KCNH7: variants seen among roughly 807,000 people sequenced by gnomAD.
KCNH7 encodes potassium voltage-gated channel subfamily H member 7, also known as voltage-gated inwardly rectifying potassium channel KCNH7.
In KCNH7, 49 loss-of-function variants were observed where a neutral mutation model predicts 120.8. That is an observed-to-expected ratio of 0.41 (90% confidence interval 0.32 to 0.51). KCNH7 has a LOEUF of 0.51. Among genes scored for constraint, KCNH7 ranks in the 20% least tolerant of loss-of-function variants. The pLI is 0.38. For missense variants in KCNH7, 1,097 were observed against 1,446.6 expected (o/e 0.76, Z 3.92); for synonymous variants, 547 against 516.1 (o/e 1.06, Z -0.81).
chr2:162,610,077 C>A (rs1682913995), intron 2 of KCNH7, among the ~76,000 whole-genome samples: 2 of 152,116 alleles, frequency 1.3e-5, no homozygotes, highest in Non-Finnish European at 2.9e-5. Flanking sequence ...TTAAATTGAA[C>A]CTCAGAATGA....
At chr2:162,797,936 G>A (rs2105534913) in intron 2 of KCNH7, 1 of 152,086 alleles carries the variant, frequency 6.6e-6, no homozygotes, top group Non-Finnish European at 1.5e-5. Flanking sequence ...TGCTTATAGT[G>A]GCCCATTTCT....
chr2:162,738,386 G>A (rs994381626), intron 2 of KCNH7, among the ~76,000 whole-genome samples: 8 of 152,154 alleles, frequency 5.3e-5, no homozygotes, highest in Non-Finnish European at 1.2e-4. Context: ...GCACAGAGGA[G>A]CATAGCCCTT....
chr2:162,755,270 AC>A (rs1330423254), intron 2 of KCNH7, among the ~76,000 whole-genome samples: 1 of 152,098 alleles, frequency 6.6e-6, no homozygotes, highest in Non-Finnish European at 1.5e-5. Flanking sequence ...GGAGATCTAG[AC>A]CAGCCTGACC....
chr2:162,781,870 A>T (rs1370245940), intron 2 of KCNH7, among the ~76,000 whole-genome samples: 2 of 152,182 alleles, frequency 1.3e-5, no homozygotes, highest in East Asian at 3.9e-4. Context: ...CTATTTCAAT[A>T]CCCTGCACAA....
intron 2 of KCNH7, among the ~76,000 whole-genome samples, chr2:162,621,252 CTTTTTTTTTTTT>C (rs35494887): frequency 3.8e-5 from 2 of 52,114 alleles, no homozygotes; most frequent in Admixed American, 3.4e-4. Context: ...GTATCATCAT[CTTTTTTTTTTTT>C]TTTTTTTTTT....
Position 162,517,766 on chromosome 2 carries a change from G to A in KCNH7, c.856C>T (p.Pro286Ser). ...VHDIEGFGVH[P>S]KNIFRDRHAS... ...TGTCGGTCTCTAAATATGTTCTTGG[G>A]GTGGACGCCGAATCCTTCTATATCA... Residue 286 changes from proline (P) to serine (S), a missense_variant, in exon 4 of 16, where the codon CCC becomes TCC. Physicochemically the swap from Pro to Ser is moderately conservative, Grantham distance 74. Coordinates refer to ENST00000332142, the MANE Select transcript of KCNH7 (RefSeq NM_033272.4). The A allele has an allele frequency of 6.3e-7, 1 of 1,584,310 alleles. No homozygotes were observed. The highest frequency in any genetic ancestry group is 8.6e-7 in the Non-Finnish European group (1 of 1,157,506).
intron 2 of KCNH7, chr2:162,785,254 A>G (rs747288233): frequency 6.6e-6 from 1 of 152,234 alleles, no homozygotes; most frequent in Non-Finnish European, 1.5e-5. Flanking sequence ...TTAGCTTGTC[A>G]TCAAACAGGA....
At chr2:162,507,936 T>G in intron 5 of KCNH7, among the ~76,000 whole-genome samples, 1 of 151,622 alleles carries the variant, frequency 6.6e-6, no homozygotes, top group Non-Finnish European at 1.5e-5. Context: ...TACTTTCTCA[T>G]GTACTTAACG....
chr2:162,732,205 T>C (rs967587734), intron 2 of KCNH7, among the ~76,000 whole-genome samples: 15 of 152,114 alleles, frequency 9.9e-5, no homozygotes, highest in Non-Finnish European at 1.9e-4. Flanking sequence ...TTCTCCCTTT[T>C]CTGTAGCAAA....
At chr2:162,429,374 G>C (rs1169605646) in intron 8 of KCNH7, among the ~76,000 whole-genome samples, 2 of 94,722 alleles carry the variant, frequency 2.1e-5, no homozygotes, top group African/African-American at 1.3e-4. Context: ...TTAGAAATGA[G>C]GAAAAAGTCT....
chr2:162,655,261 A>C (rs956790448), intron 2 of KCNH7, among the ~76,000 whole-genome samples: 2 of 152,166 alleles, frequency 1.3e-5, no homozygotes, highest in African/African-American at 4.8e-5. Context: ...ACACACATGC[A>C]TTTTATCAAT....
At chr2:162,624,993 G>A (rs1275705366) in intron 2 of KCNH7, among the ~76,000 whole-genome samples, 1 of 148,816 alleles carries the variant, frequency 6.7e-6, no homozygotes, top group East Asian at 2.0e-4. Flanking sequence ...CACCTCCGAG[G>A]TTCAAGGAAT....
At chr2:162,469,987 A>T (rs1391855237) in intron 6 of KCNH7, among the ~76,000 whole-genome samples, 1 of 152,188 alleles carries the variant, frequency 6.6e-6, no homozygotes, top group African/African-American at 2.4e-5. Flanking sequence ...GGGATTGCAG[A>T]CGGAGTCTCG....
At chr2:162,448,985 T>TAGG (rs1688675031) in intron 6 of KCNH7, among the ~76,000 whole-genome samples, 1 of 151,768 alleles carries the variant, frequency 6.6e-6, no homozygotes, top group Non-Finnish European at 1.5e-5. Context: ...TGAGACTGAA[T>TAGG]AGGAGTCAGA....
chr2:162,747,917 C>T (rs377634992), intron 2 of KCNH7, among the ~76,000 whole-genome samples: 7 of 152,180 alleles, frequency 4.6e-5, no homozygotes, highest in South Asian at 2.1e-4. Context: ...ACCTTCACTA[C>T]GAGCAAATAC....
chr2:162,746,076 T>C (rs911704598), intron 2 of KCNH7, among the ~76,000 whole-genome samples: 1 of 152,140 alleles, frequency 6.6e-6, no homozygotes, highest in Non-Finnish European at 1.5e-5. Flanking sequence ...GTCACTGTTG[T>C]AGTCCCTATA....
At chr2:162,509,633 T>C (rs1032776081) in intron 5 of KCNH7, among the ~76,000 whole-genome samples, 2 of 151,632 alleles carry the variant, frequency 1.3e-5, no homozygotes, top group African/African-American at 2.4e-5. Flanking sequence ...TTTCAGTGCA[T>C]GACATATTAT....
intron 2 of KCNH7, among the ~76,000 whole-genome samples, chr2:162,751,065 C>T (rs1025012213): frequency 2.9e-5 from 3 of 103,552 alleles, no homozygotes; most frequent in Non-Finnish European, 5.1e-5. Flanking sequence ...AGCACTCTTA[C>T]AAGCATAGCA....
chr2:162,613,344 A>G (rs1683031476), intron 2 of KCNH7, among the ~76,000 whole-genome samples: 1 of 152,072 alleles, frequency 6.6e-6, no homozygotes, highest in Admixed American at 6.5e-5. Flanking sequence ...TGAAAAGAAA[A>G]TATTGTCACA....
Sources: gnomAD v4.1 joint callset for allele counts (sites outside exome capture counted in the v4.1 genomes callset) on GRCh38, gnomAD v4.1.1 for gene constraint, MANE v1.5 for transcripts, NCBI Gene and HGNC (gene_info 2026-07-23, HGNC 2026-07-21) for gene names.